PCDHGB5: variants seen among roughly 807,000 people sequenced by gnomAD.
PCDHGB5 encodes the protein protocadherin gamma subfamily B, 5.
PCDHGB5 carries 48 observed loss-of-function variants against 62.9 expected under a neutral mutation model. The observed-to-expected ratio is 0.76, with a 90% CI of 0.61 to 0.97. PCDHGB5 has a LOEUF of 0.97. PCDHGB5 is among the 50% of genes least tolerant of loss of function. The pLI is 0.00. For synonymous variants in PCDHGB5, 474 were observed against 511.2 expected (o/e 0.93, Z 0.98); for missense variants, 1,118 against 1,198.6 (o/e 0.93, Z 0.99).
chr5:141,468,360 A>T (rs1249822461), intron 1 of PCDHGB5: 1 of 151,938 alleles, frequency 6.6e-6, no homozygotes, highest in East Asian at 1.9e-4. Flanking sequence ...GAAAGAAAAA[A>T]GAAATAACTC....
rs767577725 is a variant in PCDHGB5 at position 141,485,642 on chromosome 5, G to T, written c.2398-9165G>T. 4.3e-6 allele frequency: 7 copies of T among 1,612,162 alleles called. No homozygotes were observed. The highest frequency in any genetic ancestry group is 1.7e-5 in the Admixed American group (1 of 59,938). ...AGGACAGCGTTTCCCGTTGGAAAAGGCTCAGGATGCAGATGTGGGGAGCAA... is the reference window on the plus strand; with the variant it reads ...AGGACAGCGTTTCCCGTTGGAAAAGTCTCAGGATGCAGATGTGGGGAGCAA... On this transcript the variant is annotated intron_variant, in intron 1 of 3. Coordinates refer to ENST00000617380, the MANE Select transcript of PCDHGB5 (RefSeq NM_018925.3). This position sits in a 1 kb window ranked among gnomAD's most constrained non-coding sequence, Gnocchi z 5.7.
In PCDHGB5 at chr5:141,400,372, A is replaced by G; in HGVS notation, c.2245A>G (p.Asn749Asp). The change falls in exon 1 of 4, where the codon AAC becomes GAC. Residue 749 changes from asparagine to aspartate, a missense_variant. Physicochemically the swap from Asn to Asp is conservative, Grantham distance 23. Transcript: ENST00000617380. The part of the protein sequence containing the change: ...YSQGTLPYSY[N>D]LCVAHTGKTE... The stretch of plus-strand genomic sequence containing the variant: ...TCAGGGGACTTTGCCTTATTCCTAC[A>G]ACCTATGTGTTGCACATACAGGAAA... The G allele has an allele frequency of 6.2e-7, 1 of 1,613,980 alleles. No homozygotes were observed. The highest frequency in any genetic ancestry group is 8.5e-7 in the Non-Finnish European group (1 of 1,179,876).
chr5:141,421,118 T>C (rs572827470), intron 1 of PCDHGB5: 2 of 771,948 alleles, frequency 2.6e-6, no homozygotes, highest in Non-Finnish European at 2.0e-6. Context: ...GTATTTTCCT[T>C]CGCTTTCTGA....
chr5:141,496,081 C>A (rs976166091), intron 2 of PCDHGB5, among the ~76,000 whole-genome samples: 1 of 152,060 alleles, frequency 6.6e-6, no homozygotes, highest in Non-Finnish European at 1.5e-5. Flanking sequence ...CACAACCCCC[C>A]ACCCACCACC....
At chr5:141,445,178 A>G (rs768321514) in intron 1 of PCDHGB5, among the ~76,000 whole-genome samples, 2 of 152,218 alleles carry the variant, frequency 1.3e-5, no homozygotes, top group Admixed American at 1.3e-4. Context: ...ATGAAAAACT[A>G]TGTTTTTATG....
chr5:141,499,689 C>CTTTTTTTT (rs545067566), intron 2 of PCDHGB5, among the ~76,000 whole-genome samples: 2 of 119,854 alleles, frequency 1.7e-5, no homozygotes, highest in Non-Finnish European at 1.7e-5. Context: ...TAACAGATGA[C>CTTTTTTTT]TTTTTTTTTT....
In PCDHGB5 at chr5:141,466,692, A is replaced by G. The variant is rs185786515; in HGVS notation, c.2398-28115A>G. Among the ~76,000 whole-genome samples the G allele has an allele frequency of 3.0e-4, 46 of 152,280 alleles. 1 individual carries two copies. The highest frequency in any genetic ancestry group is 1.0e-3 in the African/African-American group (43 of 41,558). On this transcript the variant is annotated intron_variant, in intron 1 of 3. Coordinates refer to ENST00000617380, the MANE Select transcript of PCDHGB5 (RefSeq NM_018925.3). ...ACCGTTCTTCCACTCAAGCTTCATCATAAATTTGATGTCTGTTCTTGTTTC... is the reference window on the plus strand; with the variant it reads ...ACCGTTCTTCCACTCAAGCTTCATCGTAAATTTGATGTCTGTTCTTGTTTC...
At chr5:141,495,499 C>T (rs918858395) in intron 2 of PCDHGB5, among the ~76,000 whole-genome samples, 13 of 152,162 alleles carry the variant, frequency 8.5e-5, no homozygotes, top group African/African-American at 2.9e-4. Context: ...CTTGAGTTTC[C>T]GTCTTTGCCA....
chr5:141,451,955 A>T (rs1004010741), intron 1 of PCDHGB5, among the ~76,000 whole-genome samples: 2 of 152,196 alleles, frequency 1.3e-5, no homozygotes, highest in Admixed American at 1.3e-4. Flanking sequence ...CGAGAAAGTG[A>T]CATACCATCA....
chr5:141,477,817 C>G lies in PCDHGB5; in HGVS notation c.2398-16990C>G, dbSNP rs1593824080. 2 of 1,614,138 alleles carry G rather than the reference C, an allele frequency of 1.2e-6. No individual in the cohort carries two copies. The highest frequency in any genetic ancestry group is 8.5e-7 in the Non-Finnish European group (1 of 1,180,038). ...ATCGCAATGACAATGCCCCCCAGGT[C>G]CTATATCCTCGGCCAGGTGGGAGCT... is the stretch of plus-strand genomic sequence containing the variant. On this transcript the variant is annotated intron_variant, in intron 1 of 3. Coordinates refer to ENST00000617380, the MANE Select transcript of PCDHGB5 (RefSeq NM_018925.3). This position sits in a 1 kb window ranked among gnomAD's most constrained non-coding sequence, Gnocchi z 4.9.
intron 1 of PCDHGB5, chr5:141,416,674 G>T (rs547618174): frequency 6.6e-6 from 1 of 152,132 alleles, no homozygotes; most frequent in Non-Finnish European, 1.5e-5. Context: ...TATATGCAAC[G>T]AAGGGAAATT....
chr5:141,406,375 T>C (rs1427638211), intron 1 of PCDHGB5, among the ~76,000 whole-genome samples: 1 of 152,186 alleles, frequency 6.6e-6, no homozygotes, highest in Non-Finnish European at 1.5e-5. Flanking sequence ...GGTAAACTGA[T>C]AAAAAGGTAA....
intron 1 of PCDHGB5, among the ~76,000 whole-genome samples, chr5:141,453,393 A>G (rs2098764590): frequency 6.6e-6 from 1 of 152,018 alleles, no homozygotes; most frequent in Non-Finnish European, 1.5e-5. Flanking sequence ...CTTAGCCTCC[A>G]AGTGCTGGTA....
At chr5:141,419,724 G>T in intron 1 of PCDHGB5, 1 of 1,613,488 alleles carries the variant, frequency 6.2e-7, no homozygotes, top group Non-Finnish European at 8.5e-7. Flanking sequence ...CTGGGGCTGC[G>T]AACAGGCGAG....
At chr5:141,441,872 G>A (rs1400648028) in intron 1 of PCDHGB5, 4 of 341,526 alleles carry the variant, frequency 1.2e-5, no homozygotes, top group East Asian at 9.4e-5. Context: ...GCGGAGCCTG[G>A]CTACCTGGTC....
intron 1 of PCDHGB5, chr5:141,416,995 T>G (rs912921234): frequency 2.0e-5 from 3 of 151,486 alleles, no homozygotes; most frequent in Non-Finnish European, 2.9e-5. Flanking sequence ...TGTGCATTCA[T>G]CTCAAATAAT....
intron 1 of PCDHGB5, among the ~76,000 whole-genome samples, chr5:141,482,127 T>C (rs2099553382): frequency 6.6e-6 from 1 of 151,774 alleles, no homozygotes; most frequent in African/African-American, 2.4e-5. Flanking sequence ...GGGAGAATCA[T>C]ATGGCTGGCA....
At chr5:141,413,066 A>T in intron 1 of PCDHGB5, 2 of 1,161,944 alleles carry the variant, frequency 1.7e-6, no homozygotes, top group Non-Finnish European at 2.4e-6. Flanking sequence ...TCCAGAATTT[A>T]AAGTGCCCAG....
At chr5:141,502,782 T>C (rs1200280465) in intron 2 of PCDHGB5, among the ~76,000 whole-genome samples, 1 of 152,132 alleles carries the variant, frequency 6.6e-6, no homozygotes, top group African/African-American at 2.4e-5. Context: ...GAAAATTACC[T>C]GGATGATTTC....
Sources: gnomAD v4.1 joint callset for allele counts (sites outside exome capture counted in the v4.1 genomes callset) on GRCh38, gnomAD v4.1.1 for gene constraint, Gnocchi (gnomAD v3.1) non-coding constraint, MANE v1.5 for transcripts, NCBI Gene and HGNC (gene_info 2026-07-23, HGNC 2026-07-21) for gene names.